Variants in ACOXL observed in about 807,000 individuals in gnomAD.
ACOXL encodes the protein acyl-coenzyme A oxidase-like protein.
A neutral mutation model predicts 71.9 loss-of-function variants in ACOXL; 70 were observed. The observed-to-expected ratio is 0.97, with a 90% CI of 0.80 to 1.19. ACOXL has a LOEUF of 1.19. Ranked by LOEUF, ACOXL falls within the 50% of genes most tolerant of loss-of-function variation. The probability of loss-of-function intolerance (pLI) is 0.00; values close to 1 mark genes in which losing one functional copy is unlikely to be tolerated. For synonymous variants in ACOXL, 253 were observed against 281.6 expected, an observed-to-expected ratio of 0.90 and a Z score of 1.02; for missense variants, 703 against 736.3, an observed-to-expected ratio of 0.95 and a Z score of 0.52.
At chr2:110,744,287 G>A (rs901841346) in intron 1 of ACOXL, among the ~76,000 whole-genome samples, 3 of 152,198 alleles carry the variant, frequency 2.0e-5, no homozygotes, top group African/African-American at 4.8e-5. Context: ...TTGGTGGCAT[G>A]ATTTTTTATG....
At chr2:110,932,217 A>G (rs1314433192) in intron 11 of ACOXL, among the ~76,000 whole-genome samples, 1 of 152,188 alleles carries the variant, frequency 6.6e-6, no homozygotes, top group Non-Finnish European at 1.5e-5. Context: ...CATCTCACCT[A>G]TAGTGTCAAA....
chr2:110,794,022 T>G, intron 4 of ACOXL, 54 bp from the exon 5 acceptor site: 3 of 1,568,814 alleles, frequency 1.9e-6, no homozygotes, highest in Middle Eastern at 1.7e-4. Context: ...GGGGTCTGCA[T>G]TTGGAGCAAC....
At chr2:111,060,559 A>T (rs2066764664) in intron 16 of ACOXL, among the ~76,000 whole-genome samples, 1 of 152,228 alleles carries the variant, frequency 6.6e-6, no homozygotes, top group South Asian at 2.1e-4. Flanking sequence ...GGTTTAAATA[A>T]GATCCAGAAT....
intron 12 of ACOXL, among the ~76,000 whole-genome samples, chr2:110,977,003 G>T (rs1177450703): frequency 6.6e-6 from 1 of 152,142 alleles, no homozygotes; most frequent in African/African-American, 2.4e-5. Context: ...AAAGGTAAAA[G>T]ATTGGGTAGG....
intron 8 of ACOXL, 46 bp downstream of exon 8, chr2:110,801,770 A>C: frequency 1.1e-3 from 1,663 of 1,492,362 alleles, no homozygotes; most frequent in Non-Finnish European, 1.4e-3. Flanking sequence ...AGATGATCTC[A>C]CTGCTCTCCA....
At chr2:110,893,198 A>G (rs190356282) in intron 10 of ACOXL, among the ~76,000 whole-genome samples, 1 of 152,298 alleles carries the variant, frequency 6.6e-6, no homozygotes, top group East Asian at 1.9e-4. Context: ...CACAGTAGAG[A>G]CATCCAAACA....
intron 14 of ACOXL, among the ~76,000 whole-genome samples, chr2:111,030,083 A>G (rs549191871): frequency 6.6e-6 from 1 of 151,450 alleles, no homozygotes; most frequent in African/African-American, 2.4e-5. Flanking sequence ...CCTTGATTCT[A>G]TTTGGACACA....
chr2:110,780,801 A>G (rs1020635705), intron 2 of ACOXL, among the ~76,000 whole-genome samples: 2 of 152,048 alleles, frequency 1.3e-5, no homozygotes, highest in African/African-American at 4.8e-5. Context: ...TGAGAGGCCG[A>G]GGCAGGAGGA....
chr2:110,787,275 T>C (rs1341991880), intron 3 of ACOXL, among the ~76,000 whole-genome samples: 1 of 152,038 alleles, frequency 6.6e-6, no homozygotes, highest in African/African-American at 2.4e-5. Context: ...TGACTCACGC[T>C]TGTAATCCCA....
intron 12 of ACOXL, among the ~76,000 whole-genome samples, chr2:110,951,952 G>T (rs2061348171): frequency 6.6e-6 from 1 of 152,196 alleles, no homozygotes; most frequent in African/African-American, 2.4e-5. Flanking sequence ...CTTTCTAGGG[G>T]TGTCCTTAAC....
chr2:110,922,394 C>CT (rs1017025957), intron 11 of ACOXL, among the ~76,000 whole-genome samples: 1 of 151,824 alleles, frequency 6.6e-6, no homozygotes, highest in Non-Finnish European at 1.5e-5. Context: ...CAGTTTTTTT[C>CT]TTTTTTTTCT....
In ACOXL at chr2:110,734,841, C is replaced by T. The variant is rs527577613; in HGVS notation, c.-23+2067C>T. On this transcript the variant is annotated intron_variant, in intron 1 of 17. Coordinates refer to ENST00000439055, the MANE Select transcript of ACOXL (RefSeq NM_001142807.4). ...TGCCTGGATAAGGGGTCCAGTGTGG[C>T]AGTTTATTTCCTGTGTGACCATTGT... 7.3e-5 allele frequency among the ~76,000 whole-genome samples: 11 copies of T among 151,554 alleles called. No homozygotes were observed. The South Asian group carries it at 2.1e-3, about 29-fold the overall frequency.
In ACOXL at chr2:111,117,469, G is replaced by A. The variant is rs2070443264; in HGVS notation, c.1543-147G>A. On this transcript the variant is annotated intron_variant, in intron 17 of 17. Transcript: ENST00000439055. Reference sequence around the variant, plus strand: ...AAAAGGCTTCCGAGGGTTATTCATGGCCAACAGTTTCCACAGGAGAATCCA... The same window carrying A: ...AAAAGGCTTCCGAGGGTTATTCATGACCAACAGTTTCCACAGGAGAATCCA... The A allele has an allele frequency of 6.0e-6, 5 of 831,320 alleles. No individual in the cohort carries two copies. The Admixed American group carries it at 6.7e-5, about 11-fold the overall frequency. 51.5% of individuals were successfully genotyped at this position (831,320 alleles called of 1,614,324 possible).
chr2:111,077,331 C>T (rs772680527), intron 16 of ACOXL, among the ~76,000 whole-genome samples: 10 of 152,094 alleles, frequency 6.6e-5, no homozygotes, highest in African/African-American at 9.7e-5. Context: ...AGAAACCTTA[C>T]CACCATAGTG....
intron 10 of ACOXL, among the ~76,000 whole-genome samples, chr2:110,883,211 G>C (rs1696884655): frequency 6.8e-6 from 1 of 147,280 alleles, no homozygotes; most frequent in Non-Finnish European, 1.5e-5. Flanking sequence ...CTGGGTTCAA[G>C]CAATTCTTGT....
intron 14 of ACOXL, among the ~76,000 whole-genome samples, chr2:111,025,751 C>T (rs2064993591): frequency 6.6e-6 from 1 of 152,140 alleles, no homozygotes; most frequent in Middle Eastern, 3.2e-3. Flanking sequence ...CATCCATTAC[C>T]TGCCTTTTCA....
At chr2:111,036,890 T>C (rs1483053377) in intron 15 of ACOXL, 1 of 152,130 alleles carries the variant, frequency 6.6e-6, no homozygotes, top group East Asian at 1.9e-4. Context: ...AGTAGGAGCA[T>C]GGAGGTCCCT....
intron 9 of ACOXL, among the ~76,000 whole-genome samples, chr2:110,839,634 T>C (rs1380041624): frequency 6.6e-6 from 1 of 152,190 alleles, no homozygotes; most frequent in Non-Finnish European, 1.5e-5. Flanking sequence ...GTCCTGTACT[T>C]TGGATGCCTG....
At chr2:110,897,595 T>C (rs1041272446) in intron 10 of ACOXL, among the ~76,000 whole-genome samples, 7 of 152,148 alleles carry the variant, frequency 4.6e-5, no homozygotes, top group African/African-American at 1.7e-4. Flanking sequence ...TAAACACCTC[T>C]CGTTAGGCCT....
Sources: gnomAD v4.1 joint callset for allele counts (sites outside exome capture counted in the v4.1 genomes callset) on GRCh38, gnomAD v4.1.1 for gene constraint, MANE v1.5 for transcripts, NCBI Gene and HGNC (gene_info 2026-07-23, HGNC 2026-07-21) for gene names.